PKNOX2: variants seen among roughly 807,000 people sequenced by gnomAD.
The protein encoded by PKNOX2 is PBX/knotted 1 homeobox 2.
PKNOX2 carries 14 observed loss-of-function variants against 53.1 expected under a neutral mutation model. The ratio of observed to expected loss-of-function variants is 0.26; its 90% CI spans 0.17 to 0.41. The LOEUF is 0.41. PKNOX2 is among the 10% of genes least tolerant of loss of function. The pLI, the probability that PKNOX2 is intolerant of heterozygous loss-of-function variation, is 1.00. For missense variants in PKNOX2, 496 were observed against 602.8 expected (o/e 0.82, Z 1.85); for synonymous variants, 257 against 242.8 (o/e 1.06, Z -0.54).
chr11:125,243,016 GAAT>G (rs1165345024), intron 2 of PKNOX2, among the ~76,000 whole-genome samples: 1 of 152,192 alleles, frequency 6.6e-6, no homozygotes, highest in East Asian at 1.9e-4. Flanking sequence ...TAGAAAGCAA[GAAT>G]AATAATATTT....
At position 125,214,616 on chromosome 11, in the gene PKNOX2, C is replaced by T. The variant is rs151030233; in HGVS notation, c.-200-20429C>T. On this transcript the variant is annotated intron_variant, in intron 1 of 12. Coordinates refer to ENST00000298282, the MANE Select transcript of PKNOX2 (RefSeq NM_001382323.2). ...GTTGAGCCATACCCTGGGCCAGCCT[C>T]TGAGGTCTGCGTCCTGCTGTCAGCA... 1.1e-3 allele frequency among the ~76,000 whole-genome samples: 171 copies of T among 152,200 alleles called. 1 individual carries two copies. The highest frequency in any genetic ancestry group is 2.2e-3 in the Non-Finnish European group (149 of 67,968).
chr11:125,230,299 T>C (rs1316723490), intron 1 of PKNOX2, among the ~76,000 whole-genome samples: 4 of 152,214 alleles, frequency 2.6e-5, no homozygotes, highest in Non-Finnish European at 5.9e-5. Context: ...TATTGTGTCA[T>C]TTAGAGCCTG....
At chr11:125,291,261 G>A (rs908320760) in intron 2 of PKNOX2, among the ~76,000 whole-genome samples, 2 of 152,122 alleles carry the variant, frequency 1.3e-5, no homozygotes, top group Non-Finnish European at 2.9e-5. Flanking sequence ...GGTATACAAC[G>A]GTCCTTCTCC....
intron 1 of PKNOX2, among the ~76,000 whole-genome samples, chr11:125,214,333 C>A (rs1288728547): frequency 6.6e-6 from 1 of 152,078 alleles, no homozygotes; most frequent in South Asian, 2.1e-4. Context: ...TCTTCTGATT[C>A]GCTCTTGCTC....
intron 2 of PKNOX2, among the ~76,000 whole-genome samples, chr11:125,318,820 T>C (rs797002585): frequency 2.4e-4 from 37 of 152,300 alleles, no homozygotes; most frequent in African/African-American, 8.7e-4. Flanking sequence ...CCCCATGCTG[T>C]TCTTGTGAAA....
intron 10 of PKNOX2, among the ~76,000 whole-genome samples, chr11:125,426,453 G>C (rs1184754713): frequency 1.3e-5 from 2 of 152,358 alleles, no homozygotes; most frequent in East Asian, 3.9e-4. Flanking sequence ...GGATGCGGCA[G>C]ATGCCCAACA....
chr11:125,357,839 G>A (rs569342479), intron 4 of PKNOX2, among the ~76,000 whole-genome samples: 4 of 152,266 alleles, frequency 2.6e-5, no homozygotes, highest in Non-Finnish European at 4.4e-5. Flanking sequence ...CACTGCTGAT[G>A]AATTATACAA....
rs183544545 is a variant in PKNOX2, at chr11:125,426,523, T to G, written c.937-2489T>G. Reference sequence around the variant, plus strand: ...CCACTAGCTCTGCTCAAGAAACAAGTCTGCGTCTCCTTATTGTGCTAGTTC... The same window carrying G: ...CCACTAGCTCTGCTCAAGAAACAAGGCTGCGTCTCCTTATTGTGCTAGTTC... On this transcript the variant is annotated intron_variant, in intron 10 of 12. Transcript: ENST00000298282. Among the ~76,000 whole-genome samples, 11 of 152,174 alleles carry G rather than the reference T, an allele frequency of 7.2e-5. No homozygotes were observed. The East Asian group carries it at 2.1e-3, about 30-fold the overall frequency.
intron 7 of PKNOX2, among the ~76,000 whole-genome samples, chr11:125,405,649 C>T (rs1272719674): frequency 6.6e-6 from 1 of 152,148 alleles, no homozygotes; most frequent in Non-Finnish European, 1.5e-5. Context: ...GAGTGGCAGT[C>T]GCAGTTCCAG....
intron 2 of PKNOX2, among the ~76,000 whole-genome samples, chr11:125,328,859 A>C (rs112535984): frequency 5.0e-4 from 76 of 152,308 alleles, no homozygotes; most frequent in African/African-American, 1.7e-3. Context: ...ACATCTACAA[A>C]ATAAGAGCAA....
At chr11:125,181,756 A>T (rs1956168089) in intron 1 of PKNOX2, among the ~76,000 whole-genome samples, 1 of 152,190 alleles carries the variant, frequency 6.6e-6, no homozygotes, top group African/African-American at 2.4e-5. Context: ...TTCGGAGAAG[A>T]TCCTCTAAAT....
Position 125,410,854 on chromosome 11 carries a change from C to A in PKNOX2, c.794C>A (p.Ala265Asp), listed in dbSNP as rs562497604. ...QVVTQAIPQG[A>D]IQIQNTQVNL... is the part of the protein sequence containing the mutation. ...GTCACCCAAGCAATCCCCCAGGGAG[C>A]CATCCAGATCCAGAACACACAGGTG... is the stretch of plus-strand genomic sequence containing the variant. The change falls in exon 9 of 13, where the codon GCC becomes GAC. Residue 265 changes from alanine to aspartate, a missense_variant. Around this residue, in one of 5 missense-constraint regions of PKNOX2, gnomAD observed 141 missense variants for 143.9 expected, o/e 0.98. Transcript: ENST00000298282. 18 of 1,613,940 alleles carry A rather than the reference C, an allele frequency of 1.1e-5. 1 individual carries two copies. The South Asian group carries it at 2.0e-4, about 18-fold the overall frequency.
At chr11:125,196,369 A>G (rs1937690159) in intron 1 of PKNOX2, among the ~76,000 whole-genome samples, 1 of 152,156 alleles carries the variant, frequency 6.6e-6, no homozygotes. Flanking sequence ...AGCTTAGGAT[A>G]GGGCCTGAAA....
chr11:125,299,735 T>C (rs1947902637), intron 2 of PKNOX2, among the ~76,000 whole-genome samples: 1 of 152,182 alleles, frequency 6.6e-6, no homozygotes, highest in South Asian at 2.1e-4. Flanking sequence ...TCCTCCTTCT[T>C]ACCCGATTTG....
At chr11:125,286,692 G>A (rs1214279774) in intron 2 of PKNOX2, among the ~76,000 whole-genome samples, 1 of 152,214 alleles carries the variant, frequency 6.6e-6, no homozygotes, top group Non-Finnish European at 1.5e-5. Context: ...GGCCAAAGCT[G>A]TGATTTGCAG....
intron 1 of PKNOX2, among the ~76,000 whole-genome samples, chr11:125,222,711 G>A (rs1941314861): frequency 6.7e-6 from 1 of 149,658 alleles, no homozygotes; most frequent in East Asian, 2.0e-4. Flanking sequence ...TGTGTGTGCT[G>A]TGTATGTGTG....
chr11:125,263,297 C>T (rs1374487867), intron 2 of PKNOX2, among the ~76,000 whole-genome samples: 1 of 152,238 alleles, frequency 6.6e-6, no homozygotes, highest in African/African-American at 2.4e-5. Flanking sequence ...AGGGCAGGCT[C>T]AGCCGCTCCC....
rs564456765 is a variant in PKNOX2 at position 125,265,723 on chromosome 11, G to A, written c.-130+30608G>A. On this transcript the variant is annotated intron_variant, in intron 2 of 12. Coordinates refer to ENST00000298282, the MANE Select transcript of PKNOX2 (RefSeq NM_001382323.2). ...ACCCCAATGGTCCCCAGAGGGTTGCGGGTCATCTGTGGCTTTTCTGCTTCA... is the reference window on the plus strand; with the variant it reads ...ACCCCAATGGTCCCCAGAGGGTTGCAGGTCATCTGTGGCTTTTCTGCTTCA... 1.9e-4 allele frequency among the ~76,000 whole-genome samples: 29 copies of A among 152,296 alleles called. No homozygotes were observed. In the East Asian group the frequency reaches 4.6e-3, roughly 24 times the overall value.
chr11:125,177,151 C>A (rs1955769949), intron 1 of PKNOX2, among the ~76,000 whole-genome samples: 1 of 152,114 alleles, frequency 6.6e-6, no homozygotes, highest in Non-Finnish European at 1.5e-5. Flanking sequence ...GCAGATCTGG[C>A]CTCTTCCCCT....
Sources: gnomAD v4.1 joint callset for allele counts (sites outside exome capture counted in the v4.1 genomes callset) on GRCh38, gnomAD v4.1.1 for gene constraint, gnomAD v4.1.1 regional missense constraint, MANE v1.5 for transcripts, NCBI Gene and HGNC (gene_info 2026-07-23, HGNC 2026-07-21) for gene names.